Variants in AFG1L observed in about 807,000 individuals in gnomAD.
AFG1L encodes the protein AFG1-like ATPase.
A neutral mutation model predicts 62.2 loss-of-function variants in AFG1L; 53 were observed. That is an observed-to-expected ratio of 0.85 (90% CI 0.68 to 1.07). The LOEUF (loss-of-function observed/expected upper bound fraction) is 1.07, where lower values mean the gene tolerates loss of function less well. Ranked by LOEUF, AFG1L falls within the 50% of genes least tolerant of loss-of-function variation. AFG1L has a pLI of 0.00. For missense variants in AFG1L, 555 were observed against 590.5 expected, an observed-to-expected ratio of 0.94 and a Z score of 0.62; for synonymous variants, 228 against 210.3, an observed-to-expected ratio of 1.08 and a Z score of -0.73.
chr6:108,393,391 G>A (rs1781144733), intron 6 of AFG1L, among the ~76,000 whole-genome samples: 1 of 151,954 alleles, frequency 6.6e-6, no homozygotes, highest in Non-Finnish European at 1.5e-5. Flanking sequence ...AAACCTAAAG[G>A]TTCTTAAGCC....
intron 12 of AFG1L, 176 bp from the exon 13 acceptor site, chr6:108,522,121 G>A: frequency 2.1e-6 from 1 of 483,466 alleles, no homozygotes; most frequent in Non-Finnish European, 3.7e-6. Context: ...CTGCCTATCA[G>A]TTTAAATTGG....
intron 8 of AFG1L, among the ~76,000 whole-genome samples, chr6:108,471,762 C>T (rs760458845): frequency 6.6e-5 from 10 of 152,094 alleles, no homozygotes; most frequent in Non-Finnish European, 1.3e-4. Context: ...CATGCTGCCT[C>T]CTATTTACAC....
chr6:108,519,353 A>C (rs192837224), intron 11 of AFG1L, among the ~76,000 whole-genome samples: 8 of 152,290 alleles, frequency 5.3e-5, no homozygotes, highest in Non-Finnish European at 1.0e-4. Context: ...TGGGACAAAA[A>C]CATTCAAACC....
chr6:108,501,972 T>C (rs556295913), intron 10 of AFG1L, among the ~76,000 whole-genome samples: 52 of 152,366 alleles, frequency 3.4e-4, no homozygotes, highest in African/African-American at 1.2e-3. Context: ...AACAACTATT[T>C]GAGCCTTCAG....
At chr6:108,327,107 C>CA (rs1413902355) in intron 2 of AFG1L, among the ~76,000 whole-genome samples, 1 of 151,992 alleles carries the variant, frequency 6.6e-6, no homozygotes, top group African/African-American at 2.4e-5. Context: ...AACAAACAAA[C>CA]AAAAAATGAA....
At chr6:108,347,102 G>A (rs1166335160) in intron 3 of AFG1L, 63 bp downstream of exon 3, 1 of 1,333,664 alleles carries the variant, frequency 7.5e-7, no homozygotes, top group East Asian at 2.3e-5. Context: ...TTCTCTCAGG[G>A]ATGATTTCTA....
intron 8 of AFG1L, among the ~76,000 whole-genome samples, chr6:108,466,738 T>TA (rs1379489653): frequency 9.0e-5 from 13 of 144,194 alleles, no homozygotes; most frequent in South Asian, 4.5e-4. Flanking sequence ...TATATATATA[T>TA]TTTTTAAAAT....
chr6:108,344,918 C>T (rs1338492789), intron 2 of AFG1L: 4 of 400,340 alleles, frequency 1.0e-5, no homozygotes, highest in Admixed American at 3.0e-5. Flanking sequence ...CAGTTTTGCT[C>T]TGGACCTGAC....
intron 7 of AFG1L, among the ~76,000 whole-genome samples, chr6:108,413,362 A>G (rs1385399016): frequency 6.6e-6 from 1 of 152,174 alleles, no homozygotes; most frequent in Non-Finnish European, 1.5e-5. Context: ...GATCAACAAG[A>G]CAGAAAGTTA....
intron 10 of AFG1L, among the ~76,000 whole-genome samples, chr6:108,500,773 A>G (rs560671458): frequency 6.6e-6 from 1 of 152,324 alleles, no homozygotes; most frequent in East Asian, 1.9e-4. Flanking sequence ...TCCCACCAAC[A>G]GTGTATAAGC....
intron 6 of AFG1L, among the ~76,000 whole-genome samples, chr6:108,400,699 AT>A (rs35239436): frequency 0.35 from 41,357 of 118,784 alleles, 7,564 homozygotes; most frequent in Non-Finnish European, 0.42. Flanking sequence ...TTATATATAT[AT>A]TATTATATAT....
intron 7 of AFG1L, among the ~76,000 whole-genome samples, chr6:108,435,017 C>T (rs891914583): frequency 5.3e-5 from 8 of 152,174 alleles, no homozygotes; most frequent in African/African-American, 1.9e-4. Context: ...TGATTCTTAA[C>T]CATCTGTCTT....
intron 1 of AFG1L, among the ~76,000 whole-genome samples, chr6:108,314,846 T>A (rs191906535): frequency 6.6e-6 from 1 of 152,170 alleles, no homozygotes; most frequent in East Asian, 1.9e-4. Flanking sequence ...TTAGTGCTTG[T>A]ACTTTTTTTT....
chr6:108,310,535 C>G (rs1777362736), intron 1 of AFG1L, among the ~76,000 whole-genome samples: 1 of 150,588 alleles, frequency 6.6e-6, no homozygotes, highest in Non-Finnish European at 1.5e-5. Flanking sequence ...ATGTGATTTG[C>G]AAATATTTTC....
At chr6:108,321,117 G>A (rs1217674720) in intron 1 of AFG1L, among the ~76,000 whole-genome samples, 1 of 152,108 alleles carries the variant, frequency 6.6e-6, no homozygotes, top group African/African-American at 2.4e-5. Flanking sequence ...CCCATAGAAT[G>A]TCCCCACTTC....
At chr6:108,478,437 G>T (rs754954291) in intron 10 of AFG1L, among the ~76,000 whole-genome samples, 16 of 152,170 alleles carry the variant, frequency 1.1e-4, no homozygotes, top group Non-Finnish European at 1.9e-4. Flanking sequence ...ACTCCGTCTC[G>T]AAAAAGCAAT....
Position 108,307,602 on chromosome 6 carries a change from G to A in AFG1L, c.139+12384G>A, listed in dbSNP as rs1025315965. On this transcript the variant is annotated intron_variant, in intron 1 of 12. Transcript: ENST00000368977. ...ATTTTTGTATTTTTGTAGAGATGGG[G>A]TCTCGCCATATTGCCCAGGCCTATA... 2.0e-5 allele frequency among the ~76,000 whole-genome samples: 3 copies of A among 152,018 alleles called. 1 individual carries two copies. The highest frequency in any genetic ancestry group is 2.9e-5 in the Non-Finnish European group (2 of 68,004).
At chr6:108,422,029 A>G (rs1770614962) in intron 7 of AFG1L, among the ~76,000 whole-genome samples, 1 of 152,134 alleles carries the variant, frequency 6.6e-6, no homozygotes, top group Non-Finnish European at 1.5e-5. Context: ...GAAAACATAT[A>G]GGGAATAATT....
At chr6:108,439,582 G>A (rs572161966) in intron 7 of AFG1L, among the ~76,000 whole-genome samples, 1 of 152,260 alleles carries the variant, frequency 6.6e-6, no homozygotes, top group Non-Finnish European at 1.5e-5. Context: ...GCTAGACTTA[G>A]AATAGTAGTT....
Sources: allele counts gnomAD v4.1 joint callset (sites outside exome capture counted in the v4.1 genomes callset), GRCh38; gene constraint gnomAD v4.1.1; transcripts MANE v1.5; gene names NCBI Gene and HGNC (gene_info 2026-07-23, HGNC 2026-07-21).